EVI5: variants seen among roughly 807,000 people sequenced by gnomAD.
The protein encoded by EVI5 is ecotropic viral integration site 5 protein homolog.
A neutral mutation model predicts 112.0 loss-of-function variants in EVI5; 73 were observed. The ratio of observed to expected loss-of-function variants is 0.65; its 90% CI spans 0.54 to 0.79. The LOEUF (loss-of-function observed/expected upper bound fraction) is 0.79. Among genes scored for constraint, EVI5 ranks in the 30% least tolerant of loss-of-function variants. The pLI, the probability that EVI5 is intolerant of heterozygous loss-of-function variation, is 0.00. For missense variants in EVI5, 900 were observed against 968.8 expected (o/e 0.93, Z 0.94); for synonymous variants, 305 against 319.9 (o/e 0.95, Z 0.50).
At chr1:92,518,451 G>T (rs535071311) in intron 19 of EVI5, among the ~76,000 whole-genome samples, 2 of 152,150 alleles carry the variant, frequency 1.3e-5, no homozygotes, top group Admixed American at 1.3e-4. Context: ...CCTATCTGAG[G>T]GAATCTGGGA....
chr1:92,519,636 T>C (rs1363639485), intron 19 of EVI5, among the ~76,000 whole-genome samples: 1 of 152,148 alleles, frequency 6.6e-6, no homozygotes, highest in Non-Finnish European at 1.5e-5. Flanking sequence ...CTCATGACTG[T>C]AATCCTAGCA....
At chr1:92,669,908 T>C (rs1230669341) in intron 10 of EVI5, among the ~76,000 whole-genome samples, 1 of 152,012 alleles carries the variant, frequency 6.6e-6, no homozygotes, top group Non-Finnish European at 1.5e-5. Flanking sequence ...TATAGCTACA[T>C]ACAAATGTTT....
At position 92,605,336 on chromosome 1, in the gene EVI5, G is replaced by A. The variant is rs778007926; in HGVS notation, c.2041C>T (p.Arg681Ter). ...ATTTCAAGCTCAGCAATGTGTTGTC[G>A]TAGTTCAGCCACAGCAGCTATGCTA... ...ADSIAAVAEL[R>*]QHIAELEIQK... is the part of the protein sequence containing the mutation. Residue 681 changes from arginine to a stop codon, truncating the protein, a stop_gained, in exon 18 of 20, where the codon CGA becomes TGA. Coordinates refer to ENST00000684568, the MANE Select transcript of EVI5 (RefSeq NM_001350197.2). LOFTEE classifies it high-confidence loss of function. 6.8e-6 allele frequency: 11 copies of A among 1,612,540 alleles called. No individual in the cohort carries two copies. The highest frequency in any genetic ancestry group is 6.7e-5 in the Admixed American group (4 of 59,968).
At chr1:92,543,338 C>G (rs1665143753) in intron 19 of EVI5, among the ~76,000 whole-genome samples, 1 of 152,198 alleles carries the variant, frequency 6.6e-6, no homozygotes, top group Non-Finnish European at 1.5e-5. Context: ...CTGTTAGCCT[C>G]CCACTTTCCT....
intron 13 of EVI5, among the ~76,000 whole-genome samples, chr1:92,660,830 A>T (rs191203456): frequency 1.0e-3 from 158 of 152,138 alleles, no homozygotes; most frequent in African/African-American, 3.7e-3. Context: ...CCATAAAGGG[A>T]ATGATAGAAA....
intron 1 of EVI5, among the ~76,000 whole-genome samples, chr1:92,746,431 A>G (rs547578609): frequency 2.0e-5 from 3 of 152,228 alleles, no homozygotes; most frequent in Admixed American, 2.0e-4. Flanking sequence ...AATAACTTTT[A>G]AAGTACTGTA....
At chr1:92,639,660 T>C (rs1400854159) in intron 13 of EVI5, among the ~76,000 whole-genome samples, 1 of 152,006 alleles carries the variant, frequency 6.6e-6, no homozygotes, top group African/African-American at 2.4e-5. Context: ...GTAACACTTA[T>C]CACAACTCTA....
chr1:92,643,191 T>C (rs1225884854), intron 13 of EVI5, among the ~76,000 whole-genome samples: 1 of 152,142 alleles, frequency 6.6e-6, no homozygotes, highest in Non-Finnish European at 1.5e-5. Context: ...GTAAAATACT[T>C]AAATGGAAAG....
At chr1:92,584,367 T>C (rs1485155679) in intron 18 of EVI5, among the ~76,000 whole-genome samples, 1 of 152,188 alleles carries the variant, frequency 6.6e-6, no homozygotes, top group Non-Finnish European at 1.5e-5. Context: ...TACATTGATA[T>C]TTTCAACGCA....
At chr1:92,563,879 C>A in intron 18 of EVI5, 142 bp from the exon 19 acceptor site, 1 of 464,440 alleles carries the variant, frequency 2.2e-6, no homozygotes, top group South Asian at 4.5e-5. Flanking sequence ...CAAACTACCT[C>A]TGACAAACAA....
chr1:92,543,072 G>T (rs1019274255), intron 19 of EVI5, among the ~76,000 whole-genome samples: 1 of 152,132 alleles, frequency 6.6e-6, no homozygotes, highest in African/African-American at 2.4e-5. Context: ...AGGCCCTAAC[G>T]AGAGAGCCAT....
At chr1:92,741,785 G>A (rs1003252266) in intron 1 of EVI5, among the ~76,000 whole-genome samples, 5 of 152,014 alleles carry the variant, frequency 3.3e-5, no homozygotes, top group Non-Finnish European at 7.4e-5. Flanking sequence ...TTAGAGATAA[G>A]AAATCAAAGA....
At chr1:92,632,185 G>T (rs1452398291) in intron 14 of EVI5, among the ~76,000 whole-genome samples, 1 of 152,174 alleles carries the variant, frequency 6.6e-6, no homozygotes, top group Non-Finnish European at 1.5e-5. Context: ...TCAGGATGAT[G>T]CTGGCCTCAT....
chr1:92,771,729 T>C (rs1001930794), intron 1 of EVI5, among the ~76,000 whole-genome samples: 2 of 151,320 alleles, frequency 1.3e-5, no homozygotes, highest in Admixed American at 1.3e-4. Context: ...TGCCTCAGCC[T>C]CCCAAGTAGC....
intron 1 of EVI5, among the ~76,000 whole-genome samples, chr1:92,763,790 T>C (rs2103003778): frequency 6.6e-6 from 1 of 152,132 alleles, no homozygotes; most frequent in African/African-American, 2.4e-5. Flanking sequence ...AGAGGGAGTC[T>C]CTTAAAAAAT....
intron 17 of EVI5, among the ~76,000 whole-genome samples, chr1:92,606,727 C>G (rs1650472024): frequency 6.6e-6 from 1 of 152,142 alleles, no homozygotes. Flanking sequence ...CATCAAAAGT[C>G]TTATTTCTTA....
chr1:92,733,000 AC>A (rs1221558517), intron 2 of EVI5: 2 of 151,086 alleles, frequency 1.3e-5, no homozygotes, highest in Non-Finnish European at 2.9e-5. Flanking sequence ...ATCACTTGAG[AC>A]CAGGAGTTTG....
intron 2 of EVI5, among the ~76,000 whole-genome samples, chr1:92,735,681 T>G (rs1271641296): frequency 5.0e-5 from 1 of 19,898 alleles, no homozygotes; most frequent in African/African-American, 2.2e-4. Flanking sequence ...ATATATTATA[T>G]ATAACATATA....
chr1:92,724,671 A>G (rs2008797), intron 2 of EVI5, among the ~76,000 whole-genome samples: 139,733 of 152,020 alleles, frequency 0.92, 64,302 homozygotes, highest in East Asian at 0.97. Context: ...AGCTGGGCAT[A>G]GTGGCACACA....
Sources: allele counts gnomAD v4.1 joint callset (sites outside exome capture counted in the v4.1 genomes callset), GRCh38; gene constraint gnomAD v4.1.1; transcripts MANE v1.5; gene names NCBI Gene and HGNC (gene_info 2026-07-23, HGNC 2026-07-21).